UACA: variants seen among roughly 807,000 people sequenced by gnomAD.
The protein encoded by UACA is nuclear membrane binding protein.
UACA carries 112 observed loss-of-function variants against 160.5 expected under a neutral mutation model. That is an observed-to-expected ratio of 0.70 (90% CI 0.60 to 0.82). UACA has a LOEUF of 0.82. UACA is among the 40% of genes least tolerant of loss of function. UACA has a pLI of 0.00. For synonymous variants in UACA, 557 were observed against 568.4 expected, an observed-to-expected ratio of 0.98 and a Z score of 0.29; for missense variants, 1,574 against 1,614.6, an observed-to-expected ratio of 0.97 and a Z score of 0.43.
At chr15:70,752,048 C>A (rs966940503) in intron 1 of UACA, among the ~76,000 whole-genome samples, 1 of 151,924 alleles carries the variant, frequency 6.6e-6, no homozygotes, top group Non-Finnish European at 1.5e-5. Flanking sequence ...ACAGGCCTGA[C>A]CAACATGGAG....
chr15:70,769,048 A>G, the UACA span, among the ~76,000 whole-genome samples: 1 of 152,162 alleles, frequency 6.6e-6, no homozygotes, highest in Non-Finnish European at 1.5e-5. Context: ...CACGGCAGAC[A>G]GAATAAGTTA....
chr15:70,760,369 TC>T (rs1368196596), intron 1 of UACA, among the ~76,000 whole-genome samples: 1 of 152,118 alleles, frequency 6.6e-6, no homozygotes, highest in Non-Finnish European at 1.5e-5. Context: ...ATAACCACCT[TC>T]TCTGCACAGC....
chr15:70,713,111 G>A (rs1202185972), intron 1 of UACA, among the ~76,000 whole-genome samples: 1 of 152,168 alleles, frequency 6.6e-6, no homozygotes, highest in Non-Finnish European at 1.5e-5. Context: ...TTGGGAGGCC[G>A]AGGCGGGCGG....
chr15:70,664,290 A>G (rs765401424), intron 17 of UACA, among the ~76,000 whole-genome samples: 1 of 152,232 alleles, frequency 6.6e-6, no homozygotes, highest in South Asian at 2.1e-4. Flanking sequence ...CCCTGCAATG[A>G]GAAAGATGCT....
At chr15:70,729,320 G>A (rs1391004491) in intron 1 of UACA, among the ~76,000 whole-genome samples, 3 of 152,102 alleles carry the variant, frequency 2.0e-5, no homozygotes, top group Non-Finnish European at 4.4e-5. Context: ...AAAAGAAAAT[G>A]TGGTACATAT....
In UACA at chr15:70,763,314, G is replaced by T. The variant is rs1305635542; in HGVS notation, c.78+16C>A. On this transcript the variant is annotated intron_variant, in intron 1 of 18. Transcript: ENST00000322954. Reference sequence around the variant, plus strand: ...CCCGGAGCGGAGCGCCTCGCAGCCCGGACCGCGGGACTCACCGCGCTGGCG... The same window carrying T: ...CCCGGAGCGGAGCGCCTCGCAGCCCTGACCGCGGGACTCACCGCGCTGGCG... The T allele has an allele frequency of 7.5e-6, 10 of 1,324,536 alleles. No homozygotes were observed. The highest frequency in any genetic ancestry group is 1.5e-5 in the African/African-American group (1 of 64,694). The allele number at this position is 1,324,536 out of a possible 1,614,324, so 82.0% of individuals were successfully genotyped here. A position where few individuals can be genotyped will look rare whatever the true frequency, so the allele number is the denominator to read the frequency against.
At chr15:70,752,863 CA>C (rs1168107747) in intron 1 of UACA, among the ~76,000 whole-genome samples, 3 of 152,130 alleles carry the variant, frequency 2.0e-5, no homozygotes, top group South Asian at 2.1e-4. Context: ...AGCAAAATGA[CA>C]GAAGGGGCAG....
intron 1 of UACA, among the ~76,000 whole-genome samples, chr15:70,729,461 G>A (rs561362866): frequency 6.6e-6 from 1 of 152,108 alleles, no homozygotes; most frequent in Non-Finnish European, 1.5e-5. Flanking sequence ...ACATGTTCCT[G>A]CTTACCAGTG....
At chr15:70,682,611 T>C (rs1450857592) in intron 9 of UACA, 147 bp downstream of exon 9, 4 of 403,508 alleles carry the variant, frequency 9.9e-6, no homozygotes, top group Non-Finnish European at 1.7e-5. Flanking sequence ...GATCTAAGTA[T>C]CCAGAATCTA....
chr15:70,691,504 G>A (rs1897934436), intron 3 of UACA, 141 bp from the exon 4 acceptor site: 6 of 585,204 alleles, frequency 1.0e-5, no homozygotes, highest in Non-Finnish European at 1.8e-5. Context: ...TTCCAAAGAT[G>A]TTTCATCTAG....
Position 70,763,527 on chromosome 15 carries a change from C to T in UACA, c.-120G>A. The T allele has an allele frequency of 2.4e-6, 3 of 1,244,590 alleles. No individual in the cohort carries two copies. Among genetic ancestry groups the T allele is most frequent in the Non-Finnish European group, 3.0e-6 (3 of 990,090 alleles). The allele number at this position is 1,244,590 out of a possible 1,614,324, so 77.1% of individuals were successfully genotyped here. A position where few individuals can be genotyped will look rare whatever the true frequency, so the allele number is the denominator to read the frequency against. On this transcript the variant is annotated 5_prime_UTR_variant, in exon 1 of 19. Coordinates refer to ENST00000322954, the MANE Select transcript of UACA (RefSeq NM_018003.4). ...GGGCTGTACCAGCCCCACCTGCCTG[C>T]CACCTGCGGGCCCCGGGCAGCAGAC...
At position 70,675,150 on chromosome 15, in the gene UACA, AAC is replaced by A. The variant is rs576957426; in HGVS notation, c.1131+1341_1131+1342del. ...TCATGGGTAAACCTCTCTGTGCCTC[AAC>A]CTCCTTACCTGTGAAGTCAGGTAAC... On this transcript the variant is annotated intron_variant, in intron 13 of 18. Coordinates refer to ENST00000322954, the MANE Select transcript of UACA (RefSeq NM_018003.4). Among the ~76,000 whole-genome samples the A allele has an allele frequency of 2.8e-3, 419 of 152,326 alleles. 1 individual carries two copies. The highest frequency in any genetic ancestry group is 9.4e-3 in the African/African-American group (391 of 41,578).
rs779816286 is a variant in UACA, at chr15:70,667,099, T to C, written c.3585A>G (p.Gln1195=). 30 of 1,613,006 alleles carry C rather than the reference T, an allele frequency of 1.9e-5. No homozygotes were observed. The highest frequency in any genetic ancestry group is 2.4e-5 in the Non-Finnish European group (28 of 1,179,850). ...GTTTGGAGACTTCTTCCATTTTGTTTTGGCTTTCTTCTTCCTTTTCTCTCA... is the reference window on the plus strand; with the variant it reads ...GTTTGGAGACTTCTTCCATTTTGTTCTGGCTTTCTTCTTCCTTTTCTCTCA... ...ASLREKEEES[Q]NKMEEVSKLQ... is the part of the protein sequence containing the mutation. The change falls in exon 16 of 19, where the codon CAA becomes CAG. Residue 1195 remains glutamine (Q), a synonymous_variant. Coordinates refer to ENST00000322954, the MANE Select transcript of UACA (RefSeq NM_018003.4).
the UACA span, among the ~76,000 whole-genome samples, chr15:70,768,891 C>T: frequency 1.3e-5 from 2 of 152,006 alleles, no homozygotes; most frequent in Non-Finnish European, 2.9e-5. Flanking sequence ...GTATTTTTTC[C>T]CCTCCAGATT....
chr15:70,774,613 A>G, the UACA span, among the ~76,000 whole-genome samples: 13 of 152,000 alleles, frequency 8.6e-5, no homozygotes, highest in African/African-American at 2.7e-4. Flanking sequence ...ACTATTATCA[A>G]TCGTGTCATG....
upstream of UACA, among the ~76,000 whole-genome samples, chr15:70,766,422 T>C (rs1261303765): frequency 1.3e-5 from 2 of 152,122 alleles, no homozygotes; most frequent in African/African-American, 4.8e-5. Flanking sequence ...TGAGCCTATA[T>C]AAAATATTTT....
intron 1 of UACA, among the ~76,000 whole-genome samples, chr15:70,757,066 G>A (rs571104442): frequency 6.6e-6 from 1 of 152,206 alleles, no homozygotes; most frequent in Non-Finnish European, 1.5e-5. Context: ...ACGGCAATTG[G>A]CTAGTATGCA....
At chr15:70,689,983 C>T (rs1034187565) in intron 5 of UACA, among the ~76,000 whole-genome samples, 3 of 152,100 alleles carry the variant, frequency 2.0e-5, no homozygotes, top group Admixed American at 6.6e-5. Context: ...TTTGATTATA[C>T]TTATTAATAC....
chr15:70,763,485 T>TGCAGCAGAGGCG lies in UACA; in HGVS notation c.-90_-79dup. 7.9e-7 allele frequency: 1 copy of TGCAGCAGAGGCG among 1,259,598 alleles called. No homozygotes were observed. The highest frequency in any genetic ancestry group is 1.0e-6 in the Non-Finnish European group (1 of 994,608). The allele number at this position is 1,259,598 out of a possible 1,614,324, so 78.0% of individuals were successfully genotyped here. A position where few individuals can be genotyped will look rare whatever the true frequency, so the allele number is the denominator to read the frequency against. On this transcript the variant is annotated 5_prime_UTR_variant, in exon 1 of 19. Coordinates refer to ENST00000322954, the MANE Select transcript of UACA (RefSeq NM_018003.4). Reference sequence around the variant, plus strand: ...CGCGCAAGGAGTAGACGGCAGCGGCTGCAGCAGAGGCGGCGCGGGCTGTAC... The same window carrying TGCAGCAGAGGCG: ...CGCGCAAGGAGTAGACGGCAGCGGCTGCAGCAGAGGCGGCAGCAGAGGCGGCGCGGGCTGTAC...
Sources: gnomAD v4.1 joint callset for allele counts (sites outside exome capture counted in the v4.1 genomes callset) on GRCh38, gnomAD v4.1.1 for gene constraint, MANE v1.5 for transcripts, NCBI Gene and HGNC (gene_info 2026-07-23, HGNC 2026-07-21) for gene names.